The following METTL9 variants were observed in gnomAD, a reference collection of about 807,000 sequenced individuals.
The protein encoded by METTL9 is protein-L-histidine N-pros-methyltransferase.
METTL9 carries 10 observed loss-of-function variants against 36.0 expected under a neutral mutation model. The observed-to-expected ratio is 0.28, with a 90% confidence interval of 0.17 to 0.47. METTL9 has a LOEUF of 0.47. Among genes scored for constraint, METTL9 ranks in the 20% least tolerant of loss-of-function variants. METTL9 has a pLI of 0.99. For missense variants in METTL9, 246 were observed against 383.5 expected (o/e 0.64, Z 3.00); for synonymous variants, 175 against 149.7 (o/e 1.17, Z -1.23).
chr16:21,647,101 T>C (rs1224442999), intron 4 of METTL9: 1 of 1,613,948 alleles, frequency 6.2e-7, no homozygotes, highest in Non-Finnish European at 8.5e-7. Context: ...CAAGATGCAA[T>C]GATGCACTGA....
At chr16:21,641,024 C>A in intron 4 of METTL9, 1 of 152,390 alleles carries the variant, frequency 6.6e-6, no homozygotes, top group Non-Finnish European at 1.5e-5. Context: ...ACTTTGCATA[C>A]CCTGGCAGGC....
intron 2 of METTL9, among the ~76,000 whole-genome samples, chr16:21,613,042 G>A (rs1965466112): frequency 6.6e-6 from 1 of 151,802 alleles, no homozygotes; most frequent in South Asian, 2.1e-4. Flanking sequence ...TCATTAGTAT[G>A]TTTATTCATA....
At chr16:21,603,000 T>C (rs1227170828) in intron 1 of METTL9, among the ~76,000 whole-genome samples, 1 of 152,178 alleles carries the variant, frequency 6.6e-6, no homozygotes, top group Non-Finnish European at 1.5e-5. Context: ...CACATTCATT[T>C]ACCTGTGGTC....
chr16:21,630,329 C>T (rs940646143), intron 4 of METTL9, among the ~76,000 whole-genome samples: 2 of 152,246 alleles, frequency 1.3e-5, no homozygotes, highest in Non-Finnish European at 2.9e-5. Flanking sequence ...GCCTGCACCT[C>T]TCCCTTCACA....
intron 2 of METTL9, among the ~76,000 whole-genome samples, chr16:21,615,141 T>C (rs1478140567): frequency 1.3e-5 from 2 of 152,206 alleles, no homozygotes; most frequent in Non-Finnish European, 1.5e-5. Context: ...TTTTGATTTA[T>C]TTTTTGACAG....
chr16:21,640,221 AGCC>A (rs1966213965), intron 4 of METTL9: 1 of 151,356 alleles, frequency 6.6e-6, no homozygotes. Context: ...TACAGGCGTG[AGCC>A]ACCACACCCG....
At chr16:21,640,828 G>A (rs1357900314) in intron 4 of METTL9, 2 of 151,360 alleles carry the variant, frequency 1.3e-5, no homozygotes, top group South Asian at 2.1e-4. Context: ...TAAAGTAGAT[G>A]TGTTGCCCAC....
chr16:21,601,081 A>G (rs1965113458), intron 1 of METTL9, among the ~76,000 whole-genome samples: 1 of 152,168 alleles, frequency 6.6e-6, no homozygotes, highest in Non-Finnish European at 1.5e-5. Flanking sequence ...GCTTTTTTCT[A>G]TTGTTAAAGG....
chr16:21,649,233 C>T (rs1966507029), intron 4 of METTL9, among the ~76,000 whole-genome samples: 1 of 152,138 alleles, frequency 6.6e-6, no homozygotes, highest in African/African-American at 2.4e-5. Flanking sequence ...ACTCAAGCGA[C>T]CCGCTTGCCT....
In METTL9 at chr16:21,653,077, A is replaced by ATT. The variant is rs562589563; in HGVS notation, c.752-2149_752-2148dup. On this transcript the variant is annotated intron_variant, in intron 4 of 4. Coordinates refer to ENST00000358154, the MANE Select transcript of METTL9 (RefSeq NM_016025.5). ...ACATTCTAATGCAGCGAATAAATAA[A>ATT]TTGTCTGTTATTAACTTTTTGTACT... 207 of 152,910 alleles carry ATT rather than the reference A, an allele frequency of 1.4e-3. 1 individual carries two copies. Among genetic ancestry groups the ATT allele is most frequent in the Non-Finnish European group, 2.6e-3 (181 of 68,514 alleles). 9.5% of individuals were successfully genotyped at this position (152,910 alleles called of 1,614,324 possible). A position where few individuals can be genotyped will look rare whatever the true frequency, so the allele number is the denominator to read the frequency against.
At chr16:21,650,920 T>C (rs1397190043) in intron 4 of METTL9, among the ~76,000 whole-genome samples, 1 of 152,152 alleles carries the variant, frequency 6.6e-6, no homozygotes, top group African/African-American at 2.4e-5. Context: ...ATTATTCTTA[T>C]TATTTTAAAA....
In METTL9 at chr16:21,655,496, G is replaced by A; in HGVS notation, c.*64G>A. On this transcript the variant is annotated 3_prime_UTR_variant, in exon 5 of 5. Transcript: ENST00000358154. ...GGGATGTGCCCTTGGAAGAGGGTCT[G>A]TGTTCACAATTACGTGAAGGGAGGA... 7.1e-7 allele frequency: 1 copy of A among 1,413,212 alleles called. No individual in the cohort carries two copies. Among genetic ancestry groups the A allele is most frequent in the Non-Finnish European group, 9.8e-7 (1 of 1,022,908 alleles). 87.5% of individuals were successfully genotyped at this position (1,413,212 alleles called of 1,614,324 possible).
chr16:21,623,661 G>A (rs1266437229), intron 3 of METTL9, among the ~76,000 whole-genome samples: 1 of 152,122 alleles, frequency 6.6e-6, no homozygotes, highest in African/African-American at 2.4e-5. Context: ...TGTGTTCTGT[G>A]TACGTGTGTA....
intron 4 of METTL9, among the ~76,000 whole-genome samples, chr16:21,629,868 CAG>C (rs1490234259): frequency 6.6e-6 from 1 of 152,134 alleles, no homozygotes; most frequent in Non-Finnish European, 1.5e-5. Flanking sequence ...TCCGTTTTGA[CAG>C]AGCGCTGATT....
chr16:21,616,534 A>G (rs927207952), intron 2 of METTL9, among the ~76,000 whole-genome samples: 7 of 152,110 alleles, frequency 4.6e-5, no homozygotes, highest in African/African-American at 1.4e-4. Flanking sequence ...GGCTGGACCT[A>G]TAGTTGCTTT....
At chr16:21,618,389 T>A (rs1000582524) in intron 3 of METTL9, among the ~76,000 whole-genome samples, 9 of 152,176 alleles carry the variant, frequency 5.9e-5, no homozygotes, top group Non-Finnish European at 1.2e-4. Context: ...AGCATAGAAT[T>A]TACTGTTGTA....
chr16:21,603,934 G>T (rs1965206777), intron 1 of METTL9, among the ~76,000 whole-genome samples: 1 of 152,152 alleles, frequency 6.6e-6, no homozygotes, highest in Non-Finnish European at 1.5e-5. Context: ...AAGTGATGAA[G>T]AATTCAAGAA....
Position 21,631,697 on chromosome 16 carries a change from C to T in METTL9, c.751+6582C>T, listed in dbSNP as rs112218176. On this transcript the variant is annotated intron_variant, in intron 4 of 4. Coordinates refer to ENST00000358154, the MANE Select transcript of METTL9 (RefSeq NM_016025.5). ...TTTAGATCCCCTGTTAGGAAACCTG[C>T]TGGGTTAAGGATTTTTGATAGGAAG... Among the ~76,000 whole-genome samples, 773 of 152,260 alleles carry T rather than the reference C, an allele frequency of 5.1e-3. 11 individuals carry two copies. Among genetic ancestry groups the T allele is most frequent in the African/African-American group, 0.018 (742 of 41,540 alleles).
intron 1 of METTL9, among the ~76,000 whole-genome samples, chr16:21,605,860 C>T (rs1019907055): frequency 6.6e-5 from 10 of 152,228 alleles, no homozygotes; most frequent in African/African-American, 2.2e-4. Flanking sequence ...GTTAGGGTCA[C>T]GCTTTACAGA....
Sources: gnomAD v4.1 joint callset for allele counts (sites outside exome capture counted in the v4.1 genomes callset) on GRCh38, gnomAD v4.1.1 for gene constraint, MANE v1.5 for transcripts, NCBI Gene and HGNC (gene_info 2026-07-23, HGNC 2026-07-21) for gene names.